PXDNL: variants seen among roughly 807,000 people sequenced by gnomAD.
PXDNL encodes the protein peroxidasin like.
PXDNL carries 145 observed loss-of-function variants against 150.8 expected under a neutral mutation model. The observed-to-expected ratio is 0.96, with a 90% confidence interval of 0.84 to 1.10. The LOEUF (loss-of-function observed/expected upper bound fraction) is 1.10, where lower values mean the gene tolerates loss of function less well. Among genes scored for constraint, PXDNL ranks in the 50% least tolerant of loss-of-function variants. The pLI, the probability that PXDNL is intolerant of heterozygous loss-of-function variation, is 0.00. For synonymous variants in PXDNL, 757 were observed against 725.7 expected, an observed-to-expected ratio of 1.04 and a Z score of -0.69; for missense variants, 2,087 against 1,873.9, an observed-to-expected ratio of 1.11 and a Z score of -2.10.
At chr8:51,511,916 C>T (rs1811429559) in intron 4 of PXDNL, among the ~76,000 whole-genome samples, 3 of 152,168 alleles carry the variant, frequency 2.0e-5, no homozygotes, top group African/African-American at 7.2e-5. Context: ...AGCCCTGAAC[C>T]TGAATGCCCC....
chr8:51,408,165 A>G lies in PXDNL; in HGVS notation c.3459T>C (p.Tyr1153=). The stretch of plus-strand genomic sequence containing the variant: ...AATTACAGAAAACTCTGAAGTCAAC[A>G]TATGGTGGGATCCCGTGGTCTCTAC... ...QRGRDHGIPP[Y]VDFRVFCNLT... The change falls in exon 17 of 23, where the codon TAT becomes TAC. Residue 1153 remains tyrosine (Y), a synonymous_variant. Transcript: ENST00000356297. 6 of 1,614,030 alleles carry G rather than the reference A, an allele frequency of 3.7e-6. No individual in the cohort carries two copies. The highest frequency in any genetic ancestry group is 5.1e-6 in the Non-Finnish European group (6 of 1,179,878).
intron 2 of PXDNL, among the ~76,000 whole-genome samples, chr8:51,636,650 TA>T (rs1230535850): frequency 1.3e-5 from 2 of 152,130 alleles, no homozygotes; most frequent in African/African-American, 4.8e-5. Flanking sequence ...ATTTATACAT[TA>T]AAAACTACAA....
intron 17 of PXDNL, among the ~76,000 whole-genome samples, chr8:51,387,152 A>G (rs371933347): frequency 6.6e-6 from 1 of 152,018 alleles, no homozygotes; most frequent in African/African-American, 2.4e-5. Context: ...GCCACTGCAT[A>G]GATCTCATAA....
chr8:51,403,806 T>C (rs908491126), intron 17 of PXDNL, among the ~76,000 whole-genome samples: 1 of 152,158 alleles, frequency 6.6e-6, no homozygotes. Context: ...GGTGATTAGG[T>C]CATGATGTGT....
intron 1 of PXDNL, among the ~76,000 whole-genome samples, chr8:51,779,904 A>T (rs1272932154): frequency 2.0e-5 from 3 of 152,162 alleles, no homozygotes; most frequent in Non-Finnish European, 1.5e-5. Context: ...TAGTCACCAG[A>T]CAGCTTGTTA....
chr8:51,799,505 G>T (rs771046044), intron 1 of PXDNL, among the ~76,000 whole-genome samples: 15 of 152,172 alleles, frequency 9.9e-5, no homozygotes, highest in Non-Finnish European at 2.1e-4. Context: ...ATAATTGATT[G>T]TTGTCTTGGG....
chr8:51,625,169 TA>T (rs1233482961), intron 2 of PXDNL, among the ~76,000 whole-genome samples: 2 of 152,112 alleles, frequency 1.3e-5, no homozygotes, highest in Non-Finnish European at 2.9e-5. Context: ...TCACTGCACA[TA>T]AGCTCTTGCA....
intron 21 of PXDNL, among the ~76,000 whole-genome samples, chr8:51,329,288 A>G (rs1805610124): frequency 6.6e-6 from 1 of 152,216 alleles, no homozygotes; most frequent in African/African-American, 2.4e-5. Context: ...TCTCTGAGGA[A>G]GAATACATAA....
chr8:51,467,147 A>C (rs749180908), intron 8 of PXDNL, among the ~76,000 whole-genome samples: 6 of 152,186 alleles, frequency 3.9e-5, no homozygotes, highest in Non-Finnish European at 8.8e-5. Context: ...ACAGGTTCCT[A>C]TCAATGGTGG....
chr8:51,509,013 G>T (rs558646377), intron 4 of PXDNL, among the ~76,000 whole-genome samples: 1 of 152,206 alleles, frequency 6.6e-6, no homozygotes, highest in East Asian at 1.9e-4. Context: ...TCCTTACTCT[G>T]AAGCCACACC....
At chr8:51,370,794 G>T (rs1187763399) in intron 19 of PXDNL, among the ~76,000 whole-genome samples, 1 of 152,096 alleles carries the variant, frequency 6.6e-6, no homozygotes, top group Non-Finnish European at 1.5e-5. Flanking sequence ...ATGGGGTTTC[G>T]CCATGTTGGC....
At chr8:51,685,720 G>C (rs1815858957) in intron 1 of PXDNL, among the ~76,000 whole-genome samples, 1 of 152,128 alleles carries the variant, frequency 6.6e-6, no homozygotes, top group African/African-American at 2.4e-5. Context: ...CCTTCCTCTT[G>C]AAGTCTCAGA....
At chr8:51,333,590 T>A (rs1805752437) in intron 21 of PXDNL, among the ~76,000 whole-genome samples, 1 of 152,152 alleles carries the variant, frequency 6.6e-6, no homozygotes, top group Admixed American at 6.5e-5. Flanking sequence ...AACTATCTGC[T>A]GCCTTCAGGA....
chr8:51,642,343 A>T (rs897142576), intron 2 of PXDNL, among the ~76,000 whole-genome samples: 1 of 152,150 alleles, frequency 6.6e-6, no homozygotes, highest in African/African-American at 2.4e-5. Flanking sequence ...TGTACCCTAA[A>T]ACTTAAAGTA....
At position 51,413,060 on chromosome 8, in the gene PXDNL, A is replaced by G. The variant is rs1808697054; in HGVS notation, c.1904+90T>C. 3 of 766,774 alleles carry G rather than the reference A, an allele frequency of 3.9e-6. No homozygotes were observed. The Admixed American group carries it at 6.3e-5, about 16-fold the overall frequency. The allele number at this position is 766,774 out of a possible 1,614,324, so 47.5% of individuals were successfully genotyped here. ...GACTAAAGAAAGCACTCTATTGCAT[A>G]TGCACTATAATGTGACTTATGGAGA... is the stretch of plus-strand genomic sequence containing the variant. On this transcript the variant is annotated intron_variant, in intron 15 of 22. Coordinates refer to ENST00000356297, the MANE Select transcript of PXDNL (RefSeq NM_144651.5).
chr8:51,363,582 T>C (rs1178919436), intron 19 of PXDNL, among the ~76,000 whole-genome samples: 1 of 152,290 alleles, frequency 6.6e-6, no homozygotes, highest in East Asian at 1.9e-4. Flanking sequence ...TGCTTTTCCA[T>C]ACGATGTCTG....
At chr8:51,335,370 G>A (rs966421009) in intron 21 of PXDNL, among the ~76,000 whole-genome samples, 2 of 152,064 alleles carry the variant, frequency 1.3e-5, no homozygotes, top group African/African-American at 2.4e-5. Flanking sequence ...AGGAGACGCC[G>A]ATACTATCCT....
chr8:51,796,489 G>C (rs1361623270), intron 1 of PXDNL, among the ~76,000 whole-genome samples: 10 of 151,932 alleles, frequency 6.6e-5, no homozygotes, highest in Admixed American at 6.5e-4. Flanking sequence ...TGACAAAGGG[G>C]TTATCACCAC....
intron 1 of PXDNL, among the ~76,000 whole-genome samples, chr8:51,723,504 A>T (rs1441203260): frequency 6.6e-6 from 1 of 152,150 alleles, no homozygotes; most frequent in African/African-American, 2.4e-5. Flanking sequence ...CAACCCAACT[A>T]CCCTAGTCCA....
Sources: gnomAD v4.1 joint callset for allele counts (sites outside exome capture counted in the v4.1 genomes callset) on GRCh38, gnomAD v4.1.1 for gene constraint, MANE v1.5 for transcripts, NCBI Gene and HGNC (gene_info 2026-07-23, HGNC 2026-07-21) for gene names.